The following FBXL17 variants were observed in gnomAD, a reference collection of about 807,000 sequenced individuals.
The protein encoded by FBXL17 is F-box/LRR-repeat protein 17.
Under a neutral mutation model 66.2 loss-of-function variants are expected in FBXL17, and 22 were observed. That is an observed-to-expected ratio of 0.33 (90% CI 0.24 to 0.47). The LOEUF (loss-of-function observed/expected upper bound fraction) is 0.47, where lower values mean the gene tolerates loss of function less well. FBXL17 is among the 20% of genes least tolerant of loss of function. FBXL17 has a pLI of 1.00. For synonymous variants in FBXL17, 474 were observed against 400.5 expected (o/e 1.18, Z -2.19); for missense variants, 878 against 948.2 (o/e 0.93, Z 0.97).
chr5:107,932,489 C>T (rs944882912), intron 7 of FBXL17, among the ~76,000 whole-genome samples: 1 of 152,088 alleles, frequency 6.6e-6, no homozygotes, highest in African/African-American at 2.4e-5. Context: ...TCTATTTGGG[C>T]AATTTGATTA....
chr5:108,039,860 G>C (rs747554803), intron 6 of FBXL17, among the ~76,000 whole-genome samples: 29 of 151,968 alleles, frequency 1.9e-4, no homozygotes, highest in Non-Finnish European at 2.6e-4. Context: ...CAGCAAATCA[G>C]AATAAAATTA....
At chr5:107,893,801 T>C (rs1308251866) in intron 7 of FBXL17, among the ~76,000 whole-genome samples, 2 of 152,182 alleles carry the variant, frequency 1.3e-5, no homozygotes, top group Admixed American at 1.3e-4. Context: ...GATTGCGACA[T>C]AAACCATATA....
intron 7 of FBXL17, among the ~76,000 whole-genome samples, chr5:108,013,046 T>C (rs1754245650): frequency 6.8e-6 from 1 of 147,268 alleles, no homozygotes; most frequent in Admixed American, 6.8e-5. Flanking sequence ...AAAGTACCTA[T>C]CTAAAGTGGA....
At chr5:108,041,243 T>C (rs79180011) in intron 6 of FBXL17, among the ~76,000 whole-genome samples, 1,954 of 152,244 alleles carry the variant, frequency 0.013, 44 homozygotes, top group African/African-American at 0.045. Context: ...TCTCACAACA[T>C]GAGAATGTTC....
intron 6 of FBXL17, among the ~76,000 whole-genome samples, chr5:108,145,719 G>C (rs1299917980): frequency 6.6e-6 from 1 of 151,948 alleles, no homozygotes; most frequent in African/African-American, 2.4e-5. Flanking sequence ...TTTGAAATCA[G>C]AACTTTAAGT....
chr5:108,285,410 C>A (rs892131764), intron 4 of FBXL17, among the ~76,000 whole-genome samples: 1 of 151,902 alleles, frequency 6.6e-6, no homozygotes, highest in African/African-American at 2.4e-5. Context: ...CTATCTATGG[C>A]AGCTATAGCC....
At chr5:108,140,821 C>T (rs576712179) in intron 6 of FBXL17, among the ~76,000 whole-genome samples, 1 of 152,008 alleles carries the variant, frequency 6.6e-6, no homozygotes, top group South Asian at 2.1e-4. Flanking sequence ...AAACAAGAAA[C>T]TTCAGCCATT....
intron 4 of FBXL17, among the ~76,000 whole-genome samples, chr5:108,341,962 C>G (rs1052323673): frequency 1.3e-5 from 2 of 152,156 alleles, no homozygotes; most frequent in African/African-American, 4.8e-5. Flanking sequence ...TCTTATCCCT[C>G]ACATAAGAAT....
chr5:108,377,882 G>T (rs998942011), intron 1 of FBXL17, among the ~76,000 whole-genome samples: 2 of 152,168 alleles, frequency 1.3e-5, no homozygotes, highest in Non-Finnish European at 2.9e-5. Context: ...AACATGTAGG[G>T]CATGGTCACT....
At position 107,950,692 on chromosome 5, in the gene FBXL17, A is replaced by G. The variant is rs1313617050; in HGVS notation, c.1823-69513T>C. Among the ~76,000 whole-genome samples the G allele has an allele frequency of 2.6e-5, 4 of 152,226 alleles. No individual in the cohort carries two copies. The East Asian group carries it at 7.7e-4, about 29-fold the overall frequency. Reference sequence around the variant, plus strand: ...AACATGTTTTAGAGCTGGGTGAGATATAATTTCCCTAAATTGAATATTTGG... The same window carrying G: ...AACATGTTTTAGAGCTGGGTGAGATGTAATTTCCCTAAATTGAATATTTGG... On this transcript the variant is annotated intron_variant, in intron 7 of 8. Coordinates refer to ENST00000542267, the MANE Select transcript of FBXL17 (RefSeq NM_001163315.3).
intron 6 of FBXL17, among the ~76,000 whole-genome samples, chr5:108,022,600 T>C (rs1229664435): frequency 1.3e-5 from 2 of 152,024 alleles, no homozygotes; most frequent in Non-Finnish European, 2.9e-5. Context: ...CCAAAAATCA[T>C]TAATTGCAGT....
intron 6 of FBXL17, among the ~76,000 whole-genome samples, chr5:108,034,714 T>C (rs1296315412): frequency 6.6e-6 from 1 of 152,160 alleles, no homozygotes; most frequent in African/African-American, 2.4e-5. Flanking sequence ...AGACAAACTA[T>C]TATTTTTCAT....
At chr5:108,374,451 CA>C (rs1361506871) in intron 1 of FBXL17, among the ~76,000 whole-genome samples, 1 of 152,116 alleles carries the variant, frequency 6.6e-6, no homozygotes, top group Non-Finnish European at 1.5e-5. Flanking sequence ...GGAGGCAGAT[CA>C]CTTGAGCCCA....
At chr5:107,924,831 G>T (rs1346825440) in intron 7 of FBXL17, among the ~76,000 whole-genome samples, 1 of 152,146 alleles carries the variant, frequency 6.6e-6, no homozygotes, top group Non-Finnish European at 1.5e-5. Flanking sequence ...AATTTCTTGT[G>T]CCTAATAACA....
intron 6 of FBXL17, among the ~76,000 whole-genome samples, chr5:108,143,103 G>A (rs1170189133): frequency 6.6e-6 from 1 of 151,934 alleles, no homozygotes; most frequent in Non-Finnish European, 1.5e-5. Context: ...GATCTAAGGT[G>A]AAACGGTTCC....
At chr5:108,212,052 TTCTC>T (rs934900031) in intron 5 of FBXL17, among the ~76,000 whole-genome samples, 3 of 152,210 alleles carry the variant, frequency 2.0e-5, no homozygotes, top group Non-Finnish European at 2.9e-5. Context: ...TAATATTGTC[TTCTC>T]TCTTTCTTTC....
chr5:107,946,255 TTATATATATATATATATATATA>T (rs55643516), intron 7 of FBXL17, among the ~76,000 whole-genome samples: 7,335 of 40,422 alleles, frequency 0.18, 701 homozygotes, highest in Non-Finnish European at 0.22. Context: ...CAATCTCATT[TTATATATATATATATATATATA>T]TATATATATA....
At chr5:108,100,740 C>T (rs1253836444) in intron 6 of FBXL17, among the ~76,000 whole-genome samples, 1 of 152,114 alleles carries the variant, frequency 6.6e-6, no homozygotes, top group African/African-American at 2.4e-5. Flanking sequence ...AATTTTTGTT[C>T]TGTTTTTAAG....
At chr5:108,197,290 C>G (rs1253802407) in intron 5 of FBXL17, among the ~76,000 whole-genome samples, 2 of 152,030 alleles carry the variant, frequency 1.3e-5, no homozygotes, top group African/African-American at 4.8e-5. Context: ...AAGAAGAAAA[C>G]AAATCAAAGC....
Sources: gnomAD v4.1 joint callset for allele counts (sites outside exome capture counted in the v4.1 genomes callset) on GRCh38, gnomAD v4.1.1 for gene constraint, MANE v1.5 for transcripts, NCBI Gene and HGNC (gene_info 2026-07-23, HGNC 2026-07-21) for gene names.